The following BCL2 variants were observed in gnomAD, a reference collection of about 807,000 sequenced individuals.
BCL2 encodes apoptosis regulator Bcl-2.
A neutral mutation model predicts 14.2 loss-of-function variants in BCL2; 1 was observed. That is an observed-to-expected ratio of 0.07 (90% CI 0.02 to 0.33). The LOEUF (loss-of-function observed/expected upper bound fraction) is 0.33, where lower values mean the gene tolerates loss of function less well. BCL2 is among the 10% of genes least tolerant of loss of function. The pLI is 0.99. For synonymous variants in BCL2, 151 were observed against 137.2 expected (o/e 1.10, Z -0.70); for missense variants, 247 against 305.9 (o/e 0.81, Z 1.44).
rs540706181 is a variant in BCL2, at chr18:63,201,304, C to A, written c.586-72545G>T. Among the ~76,000 whole-genome samples, 6 of 152,276 alleles carry A rather than the reference C, an allele frequency of 3.9e-5. 1 individual carries two copies. The South Asian group carries it at 1.2e-3, about 32-fold the overall frequency. On this transcript the variant is annotated intron_variant, in intron 2 of 2. Coordinates refer to ENST00000333681, the MANE Select transcript of BCL2 (RefSeq NM_000633.3). ...AAGATGGCCAAAATGTCTTAAGACC[C>A]AAATTCCTGAAAGTCTTTCAAAAGA... is the stretch of plus-strand genomic sequence containing the variant.
In BCL2 at chr18:63,127,218, A is replaced by G. The variant is rs1367840744; in HGVS notation, c.*1407T>C. The G allele has an allele frequency of 1.3e-5, 3 of 230,250 alleles. No homozygotes were observed. Among genetic ancestry groups the G allele is most frequent in the Non-Finnish European group, 2.6e-5 (3 of 116,220 alleles). 14.3% of individuals were successfully genotyped at this position (230,250 alleles called of 1,614,324 possible). A position where few individuals can be genotyped will look rare whatever the true frequency, so the allele number is the denominator to read the frequency against. On this transcript the variant is annotated 3_prime_UTR_variant, in exon 3 of 3. Transcript: ENST00000333681. ...TTCAATGCTTCTTTTAGGATTTGTG[A>G]CCCTCTCCAAAGTCATTTAAAGCCT... is the stretch of plus-strand genomic sequence containing the variant.
At chr18:63,261,726 A>G (rs6567335) in intron 2 of BCL2, among the ~76,000 whole-genome samples, 68,299 of 151,878 alleles carry the variant, frequency 0.45, 15,693 homozygotes, top group East Asian at 0.61. Context: ...CTGAATTTGT[A>G]TAATATTGGG....
At chr18:63,298,911 G>A (rs1478165924) in intron 2 of BCL2, among the ~76,000 whole-genome samples, 1 of 152,160 alleles carries the variant, frequency 6.6e-6, no homozygotes, top group Non-Finnish European at 1.5e-5. Flanking sequence ...CTTCCTGGAA[G>A]GCTCAAAAGC....
chr18:63,318,153 T>G lies in BCL2; in HGVS notation c.514A>C (p.Asn172His), dbSNP rs909849040. 5 of 1,614,018 alleles carry G rather than the reference T, an allele frequency of 3.1e-6. No homozygotes were observed. The highest frequency in any genetic ancestry group is 4.2e-6 in the Non-Finnish European group (5 of 1,180,030). ...TACTCAGTCATCCACAGGGCGATGT[T>G]GTCCACCAGGGGCGACATCTCCCGG... The part of the protein sequence containing the change: ...VNREMSPLVD[N>H]IALWMTEYLN... The change falls in exon 2 of 3, where the codon AAC becomes CAC. Residue 172 changes from asparagine (N) to histidine (H), a missense_variant. By Grantham distance (68) the Asn-to-His change is moderately conservative (BLOSUM62 1). Transcript: ENST00000333681. The surrounding 1 kb of genome is among the most constrained non-coding windows in gnomAD (Gnocchi z 7.4).
chr18:63,266,141 A>C (rs1270661914), intron 2 of BCL2, among the ~76,000 whole-genome samples: 1 of 152,064 alleles, frequency 6.6e-6, no homozygotes, highest in Admixed American at 6.6e-5. Context: ...CACTGATTGT[A>C]CTAGAAAATG....
intron 2 of BCL2, among the ~76,000 whole-genome samples, chr18:63,260,608 A>T (rs552145402): frequency 1.4e-4 from 22 of 152,240 alleles, no homozygotes; most frequent in African/African-American, 5.3e-4. Context: ...AACATAACCC[A>T]ACTTCTTAAG....
chr18:63,317,707 C>T, intron 2 of BCL2: 1 of 1,102,182 alleles, frequency 9.1e-7, no homozygotes, highest in South Asian at 3.7e-5. Context: ...ATAAGCAGTC[C>T]CTGAAACCTC....
chr18:63,221,445 G>A (rs1225359996), intron 2 of BCL2, among the ~76,000 whole-genome samples: 1 of 152,162 alleles, frequency 6.6e-6, no homozygotes, highest in Non-Finnish European at 1.5e-5. Context: ...GGAAGGAAAA[G>A]GGGGATAGAG....
chr18:63,172,001 A>G (rs1435517056), intron 2 of BCL2, among the ~76,000 whole-genome samples: 1 of 152,178 alleles, frequency 6.6e-6, no homozygotes, highest in Admixed American at 6.5e-5. Context: ...ATACATACAT[A>G]AATATATACA....
At chr18:63,302,314 A>AAG in intron 2 of BCL2, 2 of 978,642 alleles carry the variant, frequency 2.0e-6, no homozygotes, top group African/African-American at 1.8e-5. Context: ...AAAAAAAAAA[A>AAG]AGAGAGAGAA....
intron 2 of BCL2, among the ~76,000 whole-genome samples, chr18:63,218,868 G>C (rs1421990391): frequency 7.6e-6 from 1 of 131,660 alleles, no homozygotes; most frequent in Non-Finnish European, 1.6e-5. Flanking sequence ...CTCCACCTTG[G>C]CCCTTCCTTC....
At chr18:63,213,922 A>C (rs12957119) in intron 2 of BCL2, among the ~76,000 whole-genome samples, 27,464 of 152,042 alleles carry the variant, frequency 0.18, 2,569 homozygotes, top group African/African-American at 0.19. Context: ...GTGTCAGATA[A>C]AGAAATTAAG....
At chr18:63,171,795 C>A (rs563004797) in intron 2 of BCL2, among the ~76,000 whole-genome samples, 1 of 152,142 alleles carries the variant, frequency 6.6e-6, no homozygotes, top group Admixed American at 6.5e-5. Context: ...GGTGACAGAG[C>A]AAGACCTTGT....
At chr18:63,134,084 CAG>C (rs1914145351) in intron 2 of BCL2, among the ~76,000 whole-genome samples, 1 of 151,888 alleles carries the variant, frequency 6.6e-6, no homozygotes, top group Non-Finnish European at 1.5e-5. Context: ...CGTTTACAAA[CAG>C]AAAAAAATAA....
At chr18:63,232,096 A>ATG (rs1343066660) in intron 2 of BCL2, among the ~76,000 whole-genome samples, 22 of 151,938 alleles carry the variant, frequency 1.4e-4, no homozygotes, top group Admixed American at 5.2e-4. Context: ...GGTGGTTCGC[A>ATG]GACAACTGTT....
chr18:63,233,377 C>T lies in BCL2; in HGVS notation c.585+84705G>A, dbSNP rs1375056644. 3.9e-5 allele frequency among the ~76,000 whole-genome samples: 6 copies of T among 152,100 alleles called. No individual in the cohort carries two copies. The East Asian group carries it at 9.6e-4, about 24-fold the overall frequency. On this transcript the variant is annotated intron_variant, in intron 2 of 2. Coordinates refer to ENST00000333681, the MANE Select transcript of BCL2 (RefSeq NM_000633.3). Reference sequence around the variant, plus strand: ...ATGGATTATTGATAACATTACCATTCGTTTTTTAAACTTGCAAAATGATAC... The same window carrying T: ...ATGGATTATTGATAACATTACCATTTGTTTTTTAAACTTGCAAAATGATAC...
At chr18:63,293,447 A>T (rs535796341) in intron 2 of BCL2, among the ~76,000 whole-genome samples, 15 of 152,338 alleles carry the variant, frequency 9.8e-5, no homozygotes. Context: ...AAGTTAAGCA[A>T]TCACCAACAG....
chr18:63,242,944 T>C (rs1911048946), intron 2 of BCL2, among the ~76,000 whole-genome samples: 1 of 152,120 alleles, frequency 6.6e-6, no homozygotes, highest in Non-Finnish European at 1.5e-5. Flanking sequence ...AAAAAGTTGT[T>C]TACAGTAATT....
intron 2 of BCL2, among the ~76,000 whole-genome samples, chr18:63,190,652 A>C (rs537226319): frequency 6.6e-6 from 1 of 152,334 alleles, no homozygotes; most frequent in Non-Finnish European, 1.5e-5. Flanking sequence ...CCTAGAAACC[A>C]TGGGCCTGCC....
Sources: gnomAD v4.1 joint callset for allele counts (sites outside exome capture counted in the v4.1 genomes callset) on GRCh38, gnomAD v4.1.1 for gene constraint, Gnocchi (gnomAD v3.1) non-coding constraint, MANE v1.5 for transcripts, NCBI Gene and HGNC (gene_info 2026-07-23, HGNC 2026-07-21) for gene names.